The following PHLDB1 variants were observed in gnomAD, a reference collection of about 807,000 sequenced individuals.
PHLDB1 encodes pleckstrin homology-like domain family B member 1.
In PHLDB1, 65 loss-of-function variants were observed where a neutral mutation model predicts 139.3. That is an observed-to-expected ratio of 0.47 (90% CI 0.38 to 0.57). PHLDB1 has a LOEUF of 0.57. Ranked by LOEUF, PHLDB1 falls within the 20% of genes least tolerant of loss-of-function variation. The pLI is 0.00. For synonymous variants in PHLDB1, 679 were observed against 734.5 expected, an observed-to-expected ratio of 0.92 and a Z score of 1.22; for missense variants, 1,624 against 1,839.7, an observed-to-expected ratio of 0.88 and a Z score of 2.14.
At chr11:118,642,497 G>T (rs1192894204) in intron 13 of PHLDB1, 103 bp downstream of exon 13, 7 of 1,316,658 alleles carry the variant, frequency 5.3e-6, no homozygotes, top group Non-Finnish European at 6.3e-6. Context: ...GAGTGGAGGC[G>T]TCAGCCCAGT....
chr11:118,640,572 C>G (rs1340466601), intron 12 of PHLDB1: 1 of 152,386 alleles, frequency 6.6e-6, no homozygotes, highest in Non-Finnish European at 1.5e-5. Flanking sequence ...CTCTTTCTCA[C>G]AGCCCATCTT....
intron 3 of PHLDB1, 64 bp downstream of exon 3, chr11:118,614,746 G>C: frequency 1.3e-6 from 2 of 1,549,534 alleles, no homozygotes; most frequent in African/African-American, 1.4e-5. Context: ...CTGCCCTGGA[G>C]GCCCACCTCC....
intron 12 of PHLDB1, chr11:118,640,547 T>C (rs1555119365): frequency 6.6e-6 from 1 of 152,366 alleles, no homozygotes; most frequent in Non-Finnish European, 1.5e-5. Flanking sequence ...GGCTTTTAGC[T>C]GTTCTTGCTA....
Position 118,643,917 on chromosome 11 carries a change from C to T in PHLDB1, c.2995C>T (p.Leu999=), listed in dbSNP as rs782171538. ...SSSSQLSVAT[L]GRSPSPKSAL... Reference sequence around the variant, plus strand: ...CTCCTCCCAGCTCAGCGTGGCTACCCTGGGGCGTAGCCCCTCCCCAAAGGT... The same window carrying T: ...CTCCTCCCAGCTCAGCGTGGCTACCTTGGGGCGTAGCCCCTCCCCAAAGGT... Residue 999 remains leucine, a synonymous_variant, in exon 14 of 23, where the codon CTG becomes TTG. Coordinates refer to ENST00000600882, the MANE Select transcript of PHLDB1 (RefSeq NM_001144758.3). 1.2e-6 allele frequency: 2 copies of T among 1,604,888 alleles called. No individual in the cohort carries two copies. The highest frequency in any genetic ancestry group is 1.7e-6 in the Non-Finnish European group (2 of 1,175,716).
chr11:118,631,199 C>T lies in PHLDB1; in HGVS notation c.1828-8C>T, dbSNP rs1395094093. The T allele has an allele frequency of 1.4e-6, 2 of 1,421,866 alleles. No individual in the cohort carries two copies. The highest frequency in any genetic ancestry group is 5.4e-5 in the East Asian group (2 of 36,972). The allele number at this position is 1,421,866 out of a possible 1,614,324, so 88.1% of individuals were successfully genotyped here. Reference sequence around the variant, plus strand: ...CCCTTCATGTCCTGCTCTGTCCATCCTCCCCAGGAACGCCAGCGCCTGGAG... The same window carrying T: ...CCCTTCATGTCCTGCTCTGTCCATCTTCCCCAGGAACGCCAGCGCCTGGAG... On this transcript the variant is annotated splice_polypyrimidine_tract_variant and splice_region_variant and intron_variant, in intron 6 of 22. Transcript: ENST00000600882.
Position 118,656,828 on chromosome 11 carries a change from C to G in PHLDB1, c.*5C>G, listed in dbSNP as rs374927962. 3.2e-5 allele frequency: 51 copies of G among 1,607,636 alleles called. No homozygotes were observed. The African/African-American group carries it at 5.2e-4, about 16-fold the overall frequency. On this transcript the variant is annotated 3_prime_UTR_variant, in exon 23 of 23. Transcript: ENST00000600882. ...TACACTCAGTTCATGAACTAACTGC[C>G]GTGGGCCTCCTGGCAGAGCACAACT...
In PHLDB1 at chr11:118,650,168, GC is replaced by G. The variant is rs1555134769; in HGVS notation, c.3748del (p.Leu1250CysfsTer49). On this transcript the variant is annotated frameshift_variant, in exon 19 of 23. Transcript: ENST00000600882. LOFTEE classifies it high-confidence loss of function. The surrounding 1 kb of genome is among the most constrained non-coding windows in gnomAD (Gnocchi z 4.7). ...IESSGHGVDT[C>X]LHVVLSSKVC... is the part of the protein sequence containing the mutation. ...TCATCGGGCCATGGTGTTGATACCT[GC>G]CTGCACGTGGTGCTCAGCAGCAAGG... 1 of 1,613,560 alleles carries G rather than the reference GC, an allele frequency of 6.2e-7. No homozygotes were observed. The highest frequency in any genetic ancestry group is 1.7e-5 in the Admixed American group (1 of 60,026).
In PHLDB1 at chr11:118,632,399, C is replaced by G; in HGVS notation, c.2379+103C>G. 2 of 1,194,900 alleles carry G rather than the reference C, an allele frequency of 1.7e-6. No homozygotes were observed. Among genetic ancestry groups the G allele is most frequent in the Admixed American group, 2.0e-5 (1 of 49,810 alleles). 74.0% of individuals were successfully genotyped at this position (1,194,900 alleles called of 1,614,324 possible). On this transcript the variant is annotated intron_variant, in intron 9 of 22. Transcript: ENST00000600882. The surrounding 1 kb of genome is among the most constrained non-coding windows in gnomAD (Gnocchi z 5.9). ...TGTACCCTTCACCTCATCATCCATTCTGCAGTACAAGTGGTCTCTGTGGCT... is the reference window on the plus strand; with the variant it reads ...TGTACCCTTCACCTCATCATCCATTGTGCAGTACAAGTGGTCTCTGTGGCT...
intron 6 of PHLDB1, among the ~76,000 whole-genome samples, chr11:118,629,800 G>A (rs1345528425): frequency 6.6e-6 from 1 of 152,126 alleles, no homozygotes; most frequent in Non-Finnish European, 1.5e-5. Context: ...GCCTGGCACA[G>A]GCAGAGTGGC....
chr11:118,616,377 C>G (rs1941639791), intron 4 of PHLDB1, among the ~76,000 whole-genome samples, 166 bp downstream of exon 4: 1 of 152,174 alleles, frequency 6.6e-6, no homozygotes, highest in Admixed American at 6.5e-5. Context: ...CATCCCAAAC[C>G]CTTTCAGCAT....
rs1555089272 is a variant in PHLDB1, at chr11:118,616,168, T to A, written c.312T>A (p.Thr104=). ...LTLYPCGNAC[T]IDGLPVRQPT... Reference sequence around the variant, plus strand: ...TCTACCCCTGTGGCAATGCCTGCACTATTGATGGGCTCCCTGTCCGGCAGC... The same window carrying A: ...TCTACCCCTGTGGCAATGCCTGCACAATTGATGGGCTCCCTGTCCGGCAGC... The change falls in exon 4 of 23, where the codon ACT becomes ACA. Residue 104 remains threonine, a synonymous_variant. Coordinates refer to ENST00000600882, the MANE Select transcript of PHLDB1 (RefSeq NM_001144758.3). 1 of 1,614,022 alleles carries A rather than the reference T, an allele frequency of 6.2e-7. No homozygotes were observed. Among genetic ancestry groups the A allele is most frequent in the East Asian group, 2.2e-5 (1 of 44,896 alleles).
chr11:118,618,117 C>T (rs1942022354), intron 4 of PHLDB1, among the ~76,000 whole-genome samples: 3 of 152,138 alleles, frequency 2.0e-5, no homozygotes, highest in Admixed American at 6.5e-5. Flanking sequence ...CCCCAGTGAC[C>T]CTTCCCGACT....
At position 118,627,980 on chromosome 11, in the gene PHLDB1, C is replaced by T. The variant is rs1555104660; in HGVS notation, c.1157C>T (p.Pro386Leu). The change falls in exon 6 of 23, where the codon CCT becomes CTT. Residue 386 changes from proline (P) to leucine (L), a missense_variant. Transcript: ENST00000600882. The stretch of plus-strand genomic sequence containing the variant: ...ATTCCTGGCAGCCCCAAGTTTCAGC[C>T]TCCAGTCCCTGCTCCCCGAAACAAG... ...TSIPGSPKFQ[P>L]PVPAPRNKIG... 1.2e-6 allele frequency: 2 copies of T among 1,613,874 alleles called. No homozygotes were observed. Among genetic ancestry groups the T allele is most frequent in the South Asian group, 2.2e-5 (2 of 91,086 alleles).
At chr11:118,642,051 C>G in intron 12 of PHLDB1, 7 of 641,054 alleles carry the variant, frequency 1.1e-5, no homozygotes, top group Non-Finnish European at 1.1e-5. Flanking sequence ...TGATGCTCTC[C>G]TTTCTCCCTT....
At position 118,648,114 on chromosome 11, in the gene PHLDB1, C is replaced by T. The variant is rs193059804; in HGVS notation, c.3654+38C>T. 492 of 1,597,108 alleles carry T rather than the reference C, an allele frequency of 3.1e-4. 2 individuals carry two copies. The highest frequency in any genetic ancestry group is 7.8e-4 in the East Asian group (35 of 44,628). Reference sequence around the variant, plus strand: ...TGGGGCACAGTGGTGGTTGGTTTGACGGTGAGGGCTGTAGAGAAGTGGGGA... The same window carrying T: ...TGGGGCACAGTGGTGGTTGGTTTGATGGTGAGGGCTGTAGAGAAGTGGGGA... On this transcript the variant is annotated intron_variant, in intron 18 of 22. Coordinates refer to ENST00000600882, the MANE Select transcript of PHLDB1 (RefSeq NM_001144758.3).
chr11:118,627,270 T>G, intron 5 of PHLDB1, 35 bp from the exon 6 acceptor site: 1 of 1,606,616 alleles, frequency 6.2e-7, no homozygotes. Flanking sequence ...CATATGCAGC[T>G]CCCTAAAGTC....
intron 22 of PHLDB1, 88 bp downstream of exon 22, chr11:118,655,980 T>G (rs1277681144): frequency 1.0e-6 from 1 of 975,556 alleles, no homozygotes; most frequent in African/African-American, 1.6e-5. Flanking sequence ...TTCATCCCCC[T>G]CCCTTCCCCC....
chr11:118,642,608 A>G (rs1369975386), intron 13 of PHLDB1, among the ~76,000 whole-genome samples: 1 of 152,210 alleles, frequency 6.6e-6, no homozygotes, highest in African/African-American at 2.4e-5. Flanking sequence ...GTCTAAAACT[A>G]TCTGATTGAG....
rs781815003 is a variant in PHLDB1, at chr11:118,628,024, C to T, written c.1201C>T (p.Arg401Cys). 25 of 1,613,718 alleles carry T rather than the reference C, an allele frequency of 1.5e-5. No individual in the cohort carries two copies. Among genetic ancestry groups the T allele is most frequent in the Middle Eastern group, 1.6e-4 (1 of 6,082 alleles). The change falls in exon 6 of 23, where the codon CGC (arginine) becomes TGC (cysteine). Residue 401 changes from arginine (R) to cysteine (C), a missense_variant. By Grantham distance (180) the Arg-to-Cys change is radical. Transcript: ENST00000600882. ...PRNKIGTLQD[R>C]PPSPFREPPG... Reference sequence around the variant, plus strand: ...AAACAAGATTGGCACACTCCAGGACCGCCCTCCCAGCCCTTTCCGTGAGCC... The same window carrying T: ...AAACAAGATTGGCACACTCCAGGACTGCCCTCCCAGCCCTTTCCGTGAGCC...
Sources: allele counts gnomAD v4.1 joint callset (sites outside exome capture counted in the v4.1 genomes callset), GRCh38; gene constraint gnomAD v4.1.1; non-coding constraint Gnocchi (gnomAD v3.1); transcripts MANE v1.5; gene names NCBI Gene and HGNC (gene_info 2026-07-23, HGNC 2026-07-21).